IPP: variants seen among roughly 807,000 people sequenced by gnomAD.
The protein encoded by IPP is intracisternal A particle-promoted polypeptide.
In IPP, 41 loss-of-function variants were observed where a neutral mutation model predicts 64.1. The observed-to-expected ratio is 0.64, with a 90% CI of 0.50 to 0.83. The LOEUF (loss-of-function observed/expected upper bound fraction) is 0.83. Among genes scored for constraint, IPP ranks in the 40% least tolerant of loss-of-function variants. The probability of loss-of-function intolerance (pLI) is 0.00; values close to 1 mark genes in which losing one functional copy is unlikely to be tolerated. For synonymous variants in IPP, 214 were observed against 235.2 expected, an observed-to-expected ratio of 0.91 and a Z score of 0.83; for missense variants, 649 against 703.0, an observed-to-expected ratio of 0.92 and a Z score of 0.87.
chr1:45,701,643 TA>T (rs1645457396), intron 8 of IPP, among the ~76,000 whole-genome samples: 1 of 152,150 alleles, frequency 6.6e-6, no homozygotes, highest in South Asian at 2.1e-4. Flanking sequence ...AGAAAGCTAC[TA>T]AAGGTCCTAA....
At chr1:45,694,442 T>G, downstream of IPP, 1 of 1,526,364 alleles carries the variant, frequency 6.6e-7, no homozygotes. Context: ...TCCCCTTTGT[T>G]AGAGTCTTGT....
chr1:45,728,384 A>C (rs991681586), intron 4 of IPP, among the ~76,000 whole-genome samples: 1 of 151,950 alleles, frequency 6.6e-6, no homozygotes, highest in Admixed American at 6.6e-5. Flanking sequence ...ATTATAAATT[A>C]TCTCATACAT....
rs200272457 is a variant in IPP, at chr1:45,746,134, T to C, written c.278A>G (p.Asp93Gly). The C allele has an allele frequency of 6.8e-6, 11 of 1,613,106 alleles. No homozygotes were observed. In the South Asian group the frequency reaches 8.8e-5, roughly 13 times the overall value. Reference protein sequence around the residue: ...IEAGIFQILLDFIYTGIVNIG... With the variant: ...IEAGIFQILLGFIYTGIVNIG... ...ATGTAACATACCTGTGTAAATGAAA[T>C]CTAGAAGTATCTGAAAGATTCCTGC... The change falls in exon 2 of 9, where the codon GAT becomes GGT. Residue 93 changes from aspartate to glycine, a missense_variant. Asp to Gly is a moderately conservative substitution (Grantham distance 94). Transcript: ENST00000396478.
chr1:45,727,076 G>A (rs1557751688), intron 5 of IPP, among the ~76,000 whole-genome samples: 1 of 150,704 alleles, frequency 6.6e-6, no homozygotes, highest in Non-Finnish European at 1.5e-5. Flanking sequence ...TTGAGAGAGG[G>A]TCTTGCTCTG....
chr1:45,711,087 C>T (rs1465596341), intron 8 of IPP, among the ~76,000 whole-genome samples: 1 of 147,742 alleles, frequency 6.8e-6, no homozygotes, highest in Non-Finnish European at 1.5e-5. Flanking sequence ...ATAATCCTAG[C>T]ACTTTGGGAG....
chr1:45,694,518 G>C, downstream of IPP: 1 of 1,500,624 alleles, frequency 6.7e-7, no homozygotes, highest in Non-Finnish European at 9.1e-7. Flanking sequence ...GTGAGTATCT[G>C]AAAAGAAAAG....
intron 7 of IPP, 50 bp from the exon 8 acceptor site, chr1:45,714,516 T>C: frequency 9.6e-7 from 1 of 1,046,828 alleles, no homozygotes; most frequent in Non-Finnish European, 1.5e-6. Context: ...GAGATACAAA[T>C]AATGATGAAA....
chr1:45,748,964 C>T (rs1646178202), intron 1 of IPP, among the ~76,000 whole-genome samples: 1 of 130,830 alleles, frequency 7.6e-6, no homozygotes, highest in South Asian at 2.7e-4. Context: ...AGAGAGACTC[C>T]GTCTCAAAAA....
At chr1:45,704,531 C>T (rs575095040) in intron 8 of IPP, among the ~76,000 whole-genome samples, 2 of 152,082 alleles carry the variant, frequency 1.3e-5, no homozygotes, top group Non-Finnish European at 2.9e-5. Context: ...ACACCGCGCC[C>T]GGCGGAAGCA....
intron 3 of IPP, among the ~76,000 whole-genome samples, chr1:45,738,657 G>A (rs974443404): frequency 2.6e-5 from 4 of 151,802 alleles, no homozygotes; most frequent in South Asian, 2.1e-4. Flanking sequence ...TGGCTAACAC[G>A]GTGAAACCCT....
chr1:45,749,525 GTTTTTT>G (rs779346516), intron 1 of IPP, among the ~76,000 whole-genome samples: 1 of 107,090 alleles, frequency 9.3e-6, no homozygotes, highest in African/African-American at 3.3e-5. Context: ...TTTGTTTTTT[GTTTTTT>G]TTTTTTTGAG....
At position 45,712,879 on chromosome 1, in the gene IPP, AT is replaced by A. The variant is rs1250423964; in HGVS notation, c.1530+1366del. 9.0e-3 allele frequency among the ~76,000 whole-genome samples: 1,141 copies of A among 126,624 alleles called. 11 individuals carry two copies. The highest frequency in any genetic ancestry group is 0.03 in the African/African-American group (959 of 32,242). 83.1% of individuals were successfully genotyped at this position (126,624 alleles called of 152,430 possible). On this transcript the variant is annotated intron_variant, in intron 8 of 8. Coordinates refer to ENST00000396478, the MANE Select transcript of IPP (RefSeq NM_005897.3). ...AAAAAAAAAAAGAAAAAAAAAAAAA[AT>A]ATATATATATATACACACCATCCGC... is the stretch of plus-strand genomic sequence containing the variant.
intron 8 of IPP, among the ~76,000 whole-genome samples, chr1:45,713,666 G>T (rs556418972): frequency 2.6e-5 from 4 of 152,168 alleles, no homozygotes; most frequent in Non-Finnish European, 5.9e-5. Flanking sequence ...CTAGGCTCAA[G>T]TGATCCTCCC....
At chr1:45,696,475 C>T (rs1177641016), downstream of IPP, among the ~76,000 whole-genome samples, 1 of 152,136 alleles carries the variant, frequency 6.6e-6, no homozygotes, top group African/African-American at 2.4e-5. Flanking sequence ...TTTATTAGTA[C>T]ATTCTTTTAA....
chr1:45,708,231 A>AT (rs1645540574), intron 8 of IPP, among the ~76,000 whole-genome samples: 1 of 151,276 alleles, frequency 6.6e-6, no homozygotes. Flanking sequence ...CGCCCAGCTC[A>AT]TTTTTTGTAC....
At chr1:45,750,259 C>G (rs1557766527) in intron 1 of IPP, among the ~76,000 whole-genome samples, 1 of 152,288 alleles carries the variant, frequency 6.6e-6, no homozygotes, top group Non-Finnish European at 1.5e-5. Context: ...TAGCCCTAAA[C>G]TGCTGCTACA....
At chr1:45,748,623 G>A (rs1047494326) in intron 1 of IPP, among the ~76,000 whole-genome samples, 2 of 152,202 alleles carry the variant, frequency 1.3e-5, no homozygotes, top group Non-Finnish European at 2.9e-5. Flanking sequence ...AGTGAGCTGA[G>A]ATGGTGCCAC....
chr1:45,708,506 C>T (rs1645544869), intron 8 of IPP, among the ~76,000 whole-genome samples: 2 of 148,082 alleles, frequency 1.4e-5, no homozygotes, highest in African/African-American at 5.0e-5. Flanking sequence ...TGGTGAAACC[C>T]CGTCTTTAGG....
intron 8 of IPP, among the ~76,000 whole-genome samples, chr1:45,711,497 T>C (rs188514380): frequency 6.6e-6 from 1 of 152,294 alleles, no homozygotes; most frequent in East Asian, 1.9e-4. Context: ...CTCACACCTG[T>C]AATCCTAGCA....
Sources: gnomAD v4.1 joint callset for allele counts (sites outside exome capture counted in the v4.1 genomes callset) on GRCh38, gnomAD v4.1.1 for gene constraint, MANE v1.5 for transcripts, NCBI Gene and HGNC (gene_info 2026-07-23, HGNC 2026-07-21) for gene names.